The following ASPH variants were observed in gnomAD, a reference collection of about 807,000 sequenced individuals.
ASPH encodes aspartyl/asparaginyl beta-hydroxylase.
A neutral mutation model predicts 118.4 loss-of-function variants in ASPH; 100 were observed. The ratio of observed to expected loss-of-function variants is 0.84; its 90% CI spans 0.72 to 1.00. ASPH has a LOEUF of 1.00. ASPH is among the 50% of genes least tolerant of loss of function. The probability of loss-of-function intolerance (pLI) is 0.00; values close to 1 mark genes in which losing one functional copy is unlikely to be tolerated. For synonymous variants in ASPH, 315 were observed against 325.6 expected, an observed-to-expected ratio of 0.97 and a Z score of 0.35; for missense variants, 920 against 919.5, an observed-to-expected ratio of 1.00 and a Z score of -0.01.
intron 1 of ASPH, among the ~76,000 whole-genome samples, chr8:61,712,237 G>A (rs1358854620): frequency 6.6e-6 from 1 of 152,146 alleles, no homozygotes; most frequent in Non-Finnish European, 1.5e-5. Flanking sequence ...TTCGCACAAC[G>A]TCCGTACTTT....
At chr8:61,664,025 G>A in intron 3 of ASPH, 1 of 908,988 alleles carries the variant, frequency 1.1e-6, no homozygotes, top group Non-Finnish European at 1.3e-6. Flanking sequence ...TAGCATTTTT[G>A]ATTCTGTTGT....
rs1196177436 is a variant in ASPH at position 61,637,984 on chromosome 8, C to T, written c.852G>A (p.Glu284=). The T allele has an allele frequency of 6.2e-7, 1 of 1,609,458 alleles. No homozygotes were observed. Among genetic ancestry groups the T allele is most frequent in the Non-Finnish European group, 8.5e-7 (1 of 1,178,306 alleles). ...CCTGTGAATCTTCTACAGGATTATC[C>T]TCAGGGGGAGCAGTTACTTCTAAAA... ...IEITEVTAPP[E]DNPVEDSQVI... is the part of the protein sequence containing the mutation. The change falls in exon 12 of 25, where the codon GAG becomes GAA. Residue 284 remains glutamate, a synonymous_variant. Coordinates refer to ENST00000379454, the MANE Select transcript of ASPH (RefSeq NM_004318.4).
At chr8:61,659,343 A>G (rs1320637441) in intron 3 of ASPH, 1 of 152,208 alleles carries the variant, frequency 6.6e-6, no homozygotes, top group Non-Finnish European at 1.5e-5. Context: ...GTGTTATATA[A>G]TTATCAAAAA....
chr8:61,545,707 C>G (rs117932187), intron 21 of ASPH, among the ~76,000 whole-genome samples: 1 of 152,336 alleles, frequency 6.6e-6, no homozygotes, highest in East Asian at 1.9e-4. Flanking sequence ...TTCACACAAT[C>G]AATCATGCTT....
At chr8:61,664,532 TG>T (rs1279316454) in intron 3 of ASPH, 1 of 985,130 alleles carries the variant, frequency 1.0e-6, no homozygotes, top group Non-Finnish European at 1.2e-6. Flanking sequence ...AAGTATGTAC[TG>T]GATGATGGGA....
chr8:61,526,795 T>C (rs777723808), intron 21 of ASPH, among the ~76,000 whole-genome samples: 3 of 151,962 alleles, frequency 2.0e-5, no homozygotes, highest in Non-Finnish European at 4.4e-5. Flanking sequence ...CTGTGGAAGA[T>C]CCTCTGGGCA....
chr8:61,580,910 A>G (rs554536535), intron 15 of ASPH, among the ~76,000 whole-genome samples: 1 of 152,238 alleles, frequency 6.6e-6, no homozygotes, highest in East Asian at 1.9e-4. Flanking sequence ...GGTTCCAGAC[A>G]CATATCTTTT....
At chr8:61,671,503 T>C (rs1257453700) in intron 3 of ASPH, among the ~76,000 whole-genome samples, 1 of 152,190 alleles carries the variant, frequency 6.6e-6, no homozygotes, top group African/African-American at 2.4e-5. Flanking sequence ...TTGTTTTTAA[T>C]TAATAGAATA....
intron 22 of ASPH, among the ~76,000 whole-genome samples, chr8:61,523,160 G>A (rs1003589467): frequency 6.2e-4 from 95 of 152,018 alleles, no homozygotes; most frequent in African/African-American, 2.2e-3. Flanking sequence ...AAGCAAACTG[G>A]TCACTCACCT....
intron 16 of ASPH, among the ~76,000 whole-genome samples, chr8:61,569,183 CGAAAAAA>C (rs1207931543): frequency 2.6e-5 from 4 of 151,578 alleles, no homozygotes; most frequent in African/African-American, 9.7e-5. Context: ...ATTTTCTTAA[CGAAAAAA>C]GAATCAACAT....
intron 3 of ASPH, chr8:61,664,254 C>T (rs1022835025): frequency 2.1e-6 from 2 of 968,584 alleles, no homozygotes; most frequent in Admixed American, 6.2e-5. Flanking sequence ...ATTACATTTG[C>T]AATTCCTTAG....
chr8:61,561,106 G>A (rs1829756401), intron 18 of ASPH, among the ~76,000 whole-genome samples: 1 of 115,988 alleles, frequency 8.6e-6, no homozygotes, highest in African/African-American at 3.5e-5. Flanking sequence ...GAGAGAGGGA[G>A]GGAGGGAGGG....
At chr8:61,705,618 G>A (rs935009267) in intron 1 of ASPH, among the ~76,000 whole-genome samples, 4 of 152,208 alleles carry the variant, frequency 2.6e-5, no homozygotes, top group South Asian at 2.1e-4. Flanking sequence ...GGTGGCAGAG[G>A]TGGACGCAAG....
chr8:61,616,706 G>C (rs1395284273), intron 14 of ASPH, among the ~76,000 whole-genome samples: 3 of 152,182 alleles, frequency 2.0e-5, no homozygotes, highest in East Asian at 3.9e-4. Context: ...TGTACAAACT[G>C]TTCCTCTGCT....
chr8:61,519,745 C>G (rs1052099777), intron 22 of ASPH, among the ~76,000 whole-genome samples: 1 of 152,144 alleles, frequency 6.6e-6, no homozygotes, highest in South Asian at 2.1e-4. Flanking sequence ...ACTGCTGGCT[C>G]TGAAGATGGA....
chr8:61,601,773 T>C (rs1844062195), intron 14 of ASPH, among the ~76,000 whole-genome samples: 1 of 151,142 alleles, frequency 6.6e-6, no homozygotes, highest in Non-Finnish European at 1.5e-5. Context: ...TAAACATAAA[T>C]AGCCAACATC....
intron 18 of ASPH, among the ~76,000 whole-genome samples, chr8:61,558,976 C>T (rs533961927): frequency 6.6e-5 from 10 of 152,298 alleles, no homozygotes; most frequent in East Asian, 3.9e-4. Flanking sequence ...TAATCATCCA[C>T]TTCCTCTTAA....
intron 18 of ASPH, among the ~76,000 whole-genome samples, chr8:61,561,128 G>A (rs145129544): frequency 0.1 from 6,991 of 69,014 alleles, 402 homozygotes; most frequent in East Asian, 0.25. Context: ...GGGAGGGAGG[G>A]AGGGAGGGAG....
intron 21 of ASPH, among the ~76,000 whole-genome samples, chr8:61,534,972 A>G (rs966625882): frequency 3.3e-5 from 5 of 152,230 alleles, no homozygotes; most frequent in Admixed American, 1.3e-4. Flanking sequence ...CAGAGGGCCA[A>G]CTTCTCACTG....
Sources: gnomAD v4.1 joint callset for allele counts (sites outside exome capture counted in the v4.1 genomes callset) on GRCh38, gnomAD v4.1.1 for gene constraint, MANE v1.5 for transcripts, NCBI Gene and HGNC (gene_info 2026-07-23, HGNC 2026-07-21) for gene names.